REDIC1: variants seen among roughly 807,000 people sequenced by gnomAD.
REDIC1 encodes the protein regulator of DNA class I crossover intermediates 1.
chr12:39,747,096 GAGA>G, the REDIC1 span, among the ~76,000 whole-genome samples: 11 of 152,350 alleles, frequency 7.2e-5, no homozygotes, highest in South Asian at 2.1e-3. Flanking sequence ...GACAAGTTGA[GAGA>G]AGAAGGCTTC....
chr12:39,759,646 A>G, the REDIC1 span: 1 of 176,908 alleles, frequency 5.7e-6, no homozygotes. Context: ...CTTTATAAAT[A>G]TATTATACAT....
the REDIC1 span, among the ~76,000 whole-genome samples, chr12:39,650,812 G>A: frequency 1.3e-5 from 2 of 152,188 alleles, no homozygotes; most frequent in African/African-American, 4.8e-5. This position sits in a 1 kb window ranked among gnomAD's most constrained non-coding sequence, Gnocchi z 4.3. Flanking sequence ...CTGGCCTCAA[G>A]TGATCTGCCC....
At chr12:39,664,850 G>T in the REDIC1 span, among the ~76,000 whole-genome samples, 1 of 152,134 alleles carries the variant, frequency 6.6e-6, no homozygotes, top group Non-Finnish European at 1.5e-5. Flanking sequence ...TTTTTCATGT[G>T]TCTGTTGGCT....
the REDIC1 span, among the ~76,000 whole-genome samples, chr12:39,824,233 T>G: frequency 6.6e-6 from 1 of 152,226 alleles, no homozygotes; most frequent in African/African-American, 2.4e-5. Context: ...TTTTGAATGG[T>G]CCTAGTTAAC....
the REDIC1 span, among the ~76,000 whole-genome samples, chr12:39,684,546 C>T: frequency 6.6e-6 from 1 of 152,028 alleles, no homozygotes; most frequent in Admixed American, 6.6e-5. Context: ...GTTATATCTC[C>T]CAATATCTAG....
the REDIC1 span, among the ~76,000 whole-genome samples, chr12:39,841,510 A>C: frequency 1.3e-5 from 2 of 152,076 alleles, no homozygotes; most frequent in African/African-American, 4.8e-5. Flanking sequence ...TAAAAACCTC[A>C]ATTGTAATTT....
At chr12:39,829,392 C>CTTTTTTTTTTTTTTTTTTT in the REDIC1 span, 34 of 65,796 alleles carry the variant, frequency 5.2e-4, 7 homozygotes, top group African/African-American at 8.3e-4. Context: ...GATAGTAATT[C>CTTTTTTTTTTTTTTTTTTT]TTTTTTTTTT....
chr12:39,867,115 C>T, the REDIC1 span, among the ~76,000 whole-genome samples: 3 of 152,226 alleles, frequency 2.0e-5, no homozygotes, highest in South Asian at 6.2e-4. Flanking sequence ...TCTCCTAAAA[C>T]AAAACAAAAC....
At chr12:39,810,143 C>T in the REDIC1 span, among the ~76,000 whole-genome samples, 6 of 152,136 alleles carry the variant, frequency 3.9e-5, no homozygotes, top group East Asian at 1.9e-4. Context: ...AGTGAAGAAC[C>T]GACATCTTAA....
the REDIC1 span, among the ~76,000 whole-genome samples, chr12:39,865,148 A>G: frequency 6.6e-6 from 1 of 152,214 alleles, no homozygotes; most frequent in Non-Finnish European, 1.5e-5. Flanking sequence ...GTAAATTGGT[A>G]ATGATTTTTT....
At chr12:39,891,561 T>C in the REDIC1 span, among the ~76,000 whole-genome samples, 1 of 152,188 alleles carries the variant, frequency 6.6e-6, no homozygotes, top group Non-Finnish European at 1.5e-5. Context: ...TGAAATGCAT[T>C]GCTTCCTGAG....
At chr12:39,882,664 G>A in the REDIC1 span, among the ~76,000 whole-genome samples, 1 of 151,970 alleles carries the variant, frequency 6.6e-6, no homozygotes, top group African/African-American at 2.4e-5. Flanking sequence ...CAATCAGATG[G>A]GTGCTCCCCT....
chr12:39,771,195 C>A, the REDIC1 span, among the ~76,000 whole-genome samples: 15 of 152,072 alleles, frequency 9.9e-5, no homozygotes, highest in Admixed American at 5.2e-4. Context: ...TCTAGAGTAA[C>A]CCTGATGGTT....
chr12:39,733,810 T>A, the REDIC1 span, among the ~76,000 whole-genome samples: 2 of 152,246 alleles, frequency 1.3e-5, no homozygotes, highest in South Asian at 4.1e-4. Flanking sequence ...AGCAAGAATT[T>A]CAAGCCAGCG....
At chr12:39,660,463 C>T in the REDIC1 span, among the ~76,000 whole-genome samples, 4 of 152,088 alleles carry the variant, frequency 2.6e-5, no homozygotes, top group Non-Finnish European at 5.9e-5. Flanking sequence ...CTCACCTGGT[C>T]TCCTCTGACT....
chr12:39,728,430 A>T, the REDIC1 span, among the ~76,000 whole-genome samples: 1 of 151,946 alleles, frequency 6.6e-6, no homozygotes, highest in African/African-American at 2.4e-5. Flanking sequence ...GATCATGTTT[A>T]TGTGTGATGG....
chr12:39,711,139 C>A, the REDIC1 span, among the ~76,000 whole-genome samples: 2 of 151,432 alleles, frequency 1.3e-5, no homozygotes, highest in East Asian at 3.9e-4. Flanking sequence ...TGAGAACATA[C>A]GGTTTGGTTT....
At chr12:39,701,237 G>A in the REDIC1 span, among the ~76,000 whole-genome samples, 3 of 152,098 alleles carry the variant, frequency 2.0e-5, no homozygotes, top group East Asian at 3.9e-4. Flanking sequence ...AAAGGATGGA[G>A]GAAGATCTAC....
the REDIC1 span, among the ~76,000 whole-genome samples, chr12:39,787,313 A>G: frequency 6.6e-6 from 1 of 152,240 alleles, no homozygotes. Flanking sequence ...TGAAATTAGT[A>G]TTAAAATAAC....
Sources: gnomAD v4.1 joint callset for allele counts (sites outside exome capture counted in the v4.1 genomes callset) on GRCh38, gnomAD v4.1.1 for gene constraint, Gnocchi (gnomAD v3.1) non-coding constraint, MANE v1.5 for transcripts, NCBI Gene and HGNC (gene_info 2026-07-23, HGNC 2026-07-21) for gene names.